Variants in TLN2 observed in about 807,000 individuals in gnomAD.
TLN2 encodes the protein talin 2.
In TLN2, 118 loss-of-function variants were observed where a neutral mutation model predicts 294.7. That is an observed-to-expected ratio of 0.40 (90% CI 0.34 to 0.47). TLN2 has a LOEUF of 0.47. TLN2 is among the 20% of genes least tolerant of loss of function. The pLI is 0.84. For synonymous variants in TLN2, 1,431 were observed against 1,304.5 expected (o/e 1.10, Z -2.09); for missense variants, 3,083 against 3,282.2 (o/e 0.94, Z 1.48).
intron 1 of TLN2, among the ~76,000 whole-genome samples, chr15:62,574,632 T>G (rs114267743): frequency 0.023 from 3,263 of 141,024 alleles, 182 homozygotes; most frequent in African/African-American, 0.082. Flanking sequence ...CTATTTCCTT[T>G]TGTGTGTGTA....
chr15:62,565,013 C>T (rs954673118), intron 1 of TLN2, among the ~76,000 whole-genome samples: 1 of 151,364 alleles, frequency 6.6e-6, no homozygotes, highest in South Asian at 2.1e-4. Flanking sequence ...CTGCATAATT[C>T]CCCCAGAGGA....
At chr15:62,806,652 G>A (rs529310439) in intron 51 of TLN2, among the ~76,000 whole-genome samples, 1 of 152,298 alleles carries the variant, frequency 6.6e-6, no homozygotes, top group South Asian at 2.1e-4. Context: ...AGGGAGCTGT[G>A]GAGACCCAGG....
At chr15:62,654,834 A>T (rs1179778704) in intron 7 of TLN2, among the ~76,000 whole-genome samples, 3 of 150,730 alleles carry the variant, frequency 2.0e-5, no homozygotes, top group Non-Finnish European at 4.4e-5. Flanking sequence ...CACAGTTAAT[A>T]TATGGAAAAG....
intron 37 of TLN2, among the ~76,000 whole-genome samples, chr15:62,760,674 G>A (rs1038238664): frequency 2.0e-5 from 3 of 152,212 alleles, no homozygotes; most frequent in Middle Eastern, 3.4e-3. Flanking sequence ...TCGAAGTGTT[G>A]ACCCTCTGTT....
At chr15:62,450,788 C>T (rs922532930) in intron 1 of TLN2, among the ~76,000 whole-genome samples, 6 of 152,088 alleles carry the variant, frequency 3.9e-5, no homozygotes, top group African/African-American at 1.2e-4. Context: ...CCAGGCTGGT[C>T]TCGAACTCCT....
chr15:62,550,176 G>T (rs1014717296), intron 1 of TLN2, among the ~76,000 whole-genome samples: 2 of 152,160 alleles, frequency 1.3e-5, no homozygotes, highest in African/African-American at 2.4e-5. Flanking sequence ...TGAGTGGTCA[G>T]CAGGATCTTG....
chr15:62,696,241 C>G (rs1480941647), intron 14 of TLN2, among the ~76,000 whole-genome samples: 1 of 152,204 alleles, frequency 6.6e-6, no homozygotes, highest in African/African-American at 2.4e-5. Flanking sequence ...GTCCCTGTCT[C>G]TTCATGCAGC....
At chr15:62,686,454 T>G (rs550303075) in intron 11 of TLN2, among the ~76,000 whole-genome samples, 187 bp from the exon 12 acceptor site, 3 of 152,326 alleles carry the variant, frequency 2.0e-5, no homozygotes, top group Admixed American at 2.0e-4. Context: ...TCTCATGTCT[T>G]TGTTTGAGTT....
chr15:62,608,611 G>A (rs2047648294), intron 2 of TLN2, among the ~76,000 whole-genome samples: 1 of 152,156 alleles, frequency 6.6e-6, no homozygotes, highest in Non-Finnish European at 1.5e-5. Flanking sequence ...GGATTGTGAA[G>A]TTACTGAGAT....
chr15:62,679,963 T>C (rs2056660084), intron 11 of TLN2, among the ~76,000 whole-genome samples: 1 of 152,242 alleles, frequency 6.6e-6, no homozygotes, highest in African/African-American at 2.4e-5. Context: ...TACTTTTGCA[T>C]CATTTTCAAA....
At chr15:62,748,059 C>T (rs1484539762) in intron 32 of TLN2, among the ~76,000 whole-genome samples, 1 of 151,686 alleles carries the variant, frequency 6.6e-6, no homozygotes, top group African/African-American at 2.4e-5. Flanking sequence ...GAAAAAAAAA[C>T]CCACCTATAA....
intron 1 of TLN2, among the ~76,000 whole-genome samples, chr15:62,585,811 A>C (rs1007562289): frequency 2.0e-5 from 3 of 152,132 alleles, no homozygotes; most frequent in Non-Finnish European, 2.9e-5. Flanking sequence ...TTTCCATTGG[A>C]GACATGTTCT....
chr15:62,527,911 C>G (rs1367105861), intron 1 of TLN2, among the ~76,000 whole-genome samples: 1 of 152,112 alleles, frequency 6.6e-6, no homozygotes, highest in African/African-American at 2.4e-5. Context: ...GTCTTTTTCT[C>G]TGTGTATATT....
chr15:62,740,932 A>C (rs942224547), intron 32 of TLN2, among the ~76,000 whole-genome samples, 163 bp downstream of exon 32: 1 of 152,160 alleles, frequency 6.6e-6, no homozygotes, highest in African/African-American at 2.4e-5. Flanking sequence ...ATATTTTATA[A>C]AACTGGCTCA....
At chr15:62,467,473 A>C (rs898244347) in intron 1 of TLN2, among the ~76,000 whole-genome samples, 2 of 152,088 alleles carry the variant, frequency 1.3e-5, no homozygotes, top group Non-Finnish European at 2.9e-5. Flanking sequence ...TGGGTGGATC[A>C]CCTGAGGTCA....
intron 52 of TLN2, among the ~76,000 whole-genome samples, chr15:62,812,531 G>T (rs79940242): frequency 0.019 from 2,966 of 152,286 alleles, 57 homozygotes; most frequent in Admixed American, 0.034. Context: ...AGCTTATTTA[G>T]GGGAGAGGAA....
At chr15:62,472,735 G>A (rs2037551559) in intron 1 of TLN2, among the ~76,000 whole-genome samples, 1 of 152,170 alleles carries the variant, frequency 6.6e-6, no homozygotes, top group African/African-American at 2.4e-5. Context: ...GAAGGGTTAG[G>A]AATTGAGACA....
At chr15:62,571,489 T>C (rs1337970241) in intron 1 of TLN2, among the ~76,000 whole-genome samples, 1 of 152,240 alleles carries the variant, frequency 6.6e-6, no homozygotes, top group Non-Finnish European at 1.5e-5. Flanking sequence ...ATTTTTATCA[T>C]TTTTTAAAAA....
intron 46 of TLN2, among the ~76,000 whole-genome samples, chr15:62,793,277 G>C (rs561693086): frequency 6.6e-6 from 1 of 152,218 alleles, no homozygotes; most frequent in South Asian, 2.1e-4. Flanking sequence ...GCCACATGGG[G>C]CAGTGGCGTG....
Sources: gnomAD v4.1 joint callset for allele counts (sites outside exome capture counted in the v4.1 genomes callset) on GRCh38, gnomAD v4.1.1 for gene constraint, MANE v1.5 for transcripts, NCBI Gene and HGNC (gene_info 2026-07-23, HGNC 2026-07-21) for gene names.